The following JAZF1 variants were observed in gnomAD, a reference collection of about 807,000 sequenced individuals.
JAZF1 encodes the protein juxtaposed with another zinc finger protein 1.
Under a neutral mutation model 26.4 loss-of-function variants are expected in JAZF1, and 8 were observed. The ratio of observed to expected loss-of-function variants is 0.30; its 90% CI spans 0.18 to 0.55. JAZF1 has a LOEUF of 0.55. JAZF1 is among the 20% of genes least tolerant of loss of function. The pLI, the probability that JAZF1 is intolerant of heterozygous loss-of-function variation, is 0.94. For synonymous variants in JAZF1, 126 were observed against 122.3 expected, an observed-to-expected ratio of 1.03 and a Z score of -0.20; for missense variants, 199 against 322.0, an observed-to-expected ratio of 0.62 and a Z score of 2.92.
intron 3 of JAZF1, among the ~76,000 whole-genome samples, chr7:27,868,179 A>G (rs1783513272): frequency 6.6e-6 from 1 of 152,250 alleles, no homozygotes; most frequent in African/African-American, 2.4e-5. Context: ...CTGGTTGAAC[A>G]GACACGTGAG....
intron 1 of JAZF1, among the ~76,000 whole-genome samples, chr7:28,179,391 G>C (rs1325394959): frequency 2.0e-5 from 3 of 152,232 alleles, no homozygotes; most frequent in African/African-American, 7.2e-5. Context: ...GTCCAGGCGT[G>C]AAGGGAAAGC....
chr7:27,986,122 G>A lies in JAZF1; in HGVS notation c.188+5787C>T, dbSNP rs112478520. On this transcript the variant is annotated intron_variant, in intron 2 of 4. Transcript: ENST00000283928. ...TGGAAGCTCTGGCCAGGGCAATCAG[G>A]CAAGAGAAAGAAATAAAGGGTATTC... Among the ~76,000 whole-genome samples the A allele has an allele frequency of 5.5e-3, 845 of 152,302 alleles. 6 individuals are homozygous for A. Among genetic ancestry groups the A allele is most frequent in the Non-Finnish European group, 8.9e-3 (605 of 68,034 alleles).
chr7:28,077,652 CTGCT>C (rs1358695019), intron 1 of JAZF1, among the ~76,000 whole-genome samples: 1 of 152,232 alleles, frequency 6.6e-6, no homozygotes, highest in Non-Finnish European at 1.5e-5. Flanking sequence ...ACTTGTCTGA[CTGCT>C]TGCAGGCCAC....
intron 3 of JAZF1, among the ~76,000 whole-genome samples, chr7:27,879,809 G>C (rs1320275051): frequency 6.6e-6 from 1 of 152,054 alleles, no homozygotes; most frequent in Non-Finnish European, 1.5e-5. Context: ...TGGTTTATTA[G>C]GTTAATAAAT....
At chr7:27,913,388 A>G in intron 2 of JAZF1, 1 of 461,116 alleles carries the variant, frequency 2.2e-6, no homozygotes, top group Non-Finnish European at 4.5e-6. Context: ...CCAGAAGGCC[A>G]TACCTTTTGG....
At chr7:27,833,503 G>A (rs1308102245) in intron 4 of JAZF1, among the ~76,000 whole-genome samples, 1 of 152,144 alleles carries the variant, frequency 6.6e-6, no homozygotes, top group South Asian at 2.1e-4. Context: ...GTTTTTGTCA[G>A]TTTTCTGCTC....
At chr7:28,011,424 A>C (rs1782796709) in intron 1 of JAZF1, among the ~76,000 whole-genome samples, 2 of 152,234 alleles carry the variant, frequency 1.3e-5, no homozygotes, top group South Asian at 4.1e-4. Flanking sequence ...CATTAATCTC[A>C]TATTTGGTTG....
chr7:28,135,952 G>A (rs1782877946), intron 1 of JAZF1, among the ~76,000 whole-genome samples: 1 of 152,182 alleles, frequency 6.6e-6, no homozygotes, highest in South Asian at 2.1e-4. Flanking sequence ...AAGCAACTCT[G>A]TGTAATGAAG....
At chr7:28,120,501 C>CTTTTTTTTTCTTTT (rs1782582732) in intron 1 of JAZF1, among the ~76,000 whole-genome samples, 1 of 59,004 alleles carries the variant, frequency 1.7e-5, no homozygotes, top group Non-Finnish European at 2.8e-5. Context: ...ACACACAGTT[C>CTTTTTTTTTCTTTT]TTTTTTTTTT....
chr7:28,131,184 C>A (rs529103887), intron 1 of JAZF1, among the ~76,000 whole-genome samples: 1 of 152,104 alleles, frequency 6.6e-6, no homozygotes, highest in Non-Finnish European at 1.5e-5. Context: ...CCAAATTATC[C>A]TTGACAAAAG....
chr7:28,110,474 AAAGGAAAGGAAAGGAAAGGAAAGG>A (rs1784627494), intron 1 of JAZF1, among the ~76,000 whole-genome samples: 1 of 74,690 alleles, frequency 1.3e-5, no homozygotes, highest in African/African-American at 4.7e-5. Flanking sequence ...AAAGGAAAGG[AAAGGAAAGGAAAGGAAAGGAAAGG>A]AAAGGAAAAG....
intron 1 of JAZF1, among the ~76,000 whole-genome samples, chr7:28,173,442 CAT>C (rs1783502807): frequency 1.3e-5 from 2 of 152,064 alleles, no homozygotes; most frequent in Non-Finnish European, 2.9e-5. Flanking sequence ...TACGTACACA[CAT>C]ATATGTGGTA....
chr7:28,081,623 T>G (rs951857708), intron 1 of JAZF1, among the ~76,000 whole-genome samples: 3 of 152,130 alleles, frequency 2.0e-5, no homozygotes, highest in African/African-American at 7.2e-5. Context: ...TGCTCCACCC[T>G]TTCCCCTTGT....
chr7:28,119,796 C>A (rs1245536256), intron 1 of JAZF1, among the ~76,000 whole-genome samples: 1 of 152,200 alleles, frequency 6.6e-6, no homozygotes, highest in Non-Finnish European at 1.5e-5. Context: ...GCATTTGGGA[C>A]ATATCAATTA....
In JAZF1 at chr7:27,846,501, G is replaced by C. The variant is rs1157986741; in HGVS notation, c.386-5634C>G. 6.4e-6 allele frequency: 3 copies of C among 470,922 alleles called. No individual in the cohort carries two copies. In the East Asian group the frequency reaches 2.1e-4, roughly 33 times the overall value. 29.2% of individuals were successfully genotyped at this position (470,922 alleles called of 1,614,324 possible). ...CAATTCTTGTCTGCTGTAATGCTGGGAGAACATGAGAGTGCAGACATCTTC... is the reference window on the plus strand; with the variant it reads ...CAATTCTTGTCTGCTGTAATGCTGGCAGAACATGAGAGTGCAGACATCTTC... On this transcript the variant is annotated intron_variant, in intron 3 of 4. Coordinates refer to ENST00000283928, the MANE Select transcript of JAZF1 (RefSeq NM_175061.4).
chr7:28,101,992 G>C (rs951342583), intron 1 of JAZF1, among the ~76,000 whole-genome samples: 1 of 152,102 alleles, frequency 6.6e-6, no homozygotes, highest in Non-Finnish European at 1.5e-5. Context: ...ATGAACCACA[G>C]AGGAATAAAT....
At chr7:27,994,478 C>A (rs1359067076) in intron 1 of JAZF1, among the ~76,000 whole-genome samples, 1 of 150,802 alleles carries the variant, frequency 6.6e-6, no homozygotes, top group Non-Finnish European at 1.5e-5. Flanking sequence ...AAAACACACA[C>A]ACACAAAAAA....
chr7:27,982,829 G>A (rs1243613403), intron 2 of JAZF1, among the ~76,000 whole-genome samples: 3 of 152,194 alleles, frequency 2.0e-5, no homozygotes, highest in African/African-American at 4.8e-5. Flanking sequence ...CAGGCAAACA[G>A]GGTCTGGAGA....
chr7:27,954,200 G>C (rs17156080), intron 2 of JAZF1, among the ~76,000 whole-genome samples: 16,059 of 152,184 alleles, frequency 0.11, 1,859 homozygotes, highest in East Asian at 0.41. Context: ...AGCTCCTAGA[G>C]GTAAATACTT....
Sources: allele counts gnomAD v4.1 joint callset (sites outside exome capture counted in the v4.1 genomes callset), GRCh38; gene constraint gnomAD v4.1.1; transcripts MANE v1.5; gene names NCBI Gene and HGNC (gene_info 2026-07-23, HGNC 2026-07-21).